Variants in DGKI observed in about 807,000 individuals in gnomAD.
DGKI encodes DAG kinase iota.
A neutral mutation model predicts 147.5 loss-of-function variants in DGKI; 55 were observed. That is an observed-to-expected ratio of 0.37 (90% CI 0.30 to 0.47). The LOEUF is 0.47. Among genes scored for constraint, DGKI ranks in the 20% least tolerant of loss-of-function variants. The pLI, the probability that DGKI is intolerant of heterozygous loss-of-function variation, is 1.00. For missense variants in DGKI, 1,007 were observed against 1,323.8 expected (o/e 0.76, Z 3.71); for synonymous variants, 469 against 477.1 (o/e 0.98, Z 0.22).
At chr7:137,498,299 C>T (rs1018789714) in intron 21 of DGKI, among the ~76,000 whole-genome samples, 12 of 151,476 alleles carry the variant, frequency 7.9e-5, no homozygotes, top group Non-Finnish European at 1.8e-4. Flanking sequence ...GAAACCTAGT[C>T]CAGGAGGTCC....
intron 28 of DGKI, among the ~76,000 whole-genome samples, chr7:137,426,922 G>C (rs550971709): frequency 6.6e-6 from 1 of 151,682 alleles, no homozygotes; most frequent in African/African-American, 2.4e-5. Context: ...GACCTACAAA[G>C]AGACTTAGAC....
intron 19 of DGKI, among the ~76,000 whole-genome samples, chr7:137,560,200 G>A (rs1490553106): frequency 1.3e-5 from 2 of 151,972 alleles, no homozygotes; most frequent in African/African-American, 2.4e-5. Flanking sequence ...GTGAACTTAA[G>A]AGCAAATTGA....
intron 20 of DGKI, among the ~76,000 whole-genome samples, chr7:137,551,874 T>G (rs1818056717): frequency 6.6e-6 from 1 of 151,886 alleles, no homozygotes; most frequent in Non-Finnish European, 1.5e-5. Context: ...AATGGGAACA[T>G]CAGGAAGGGA....
intron 19 of DGKI, among the ~76,000 whole-genome samples, chr7:137,561,481 A>G (rs942206397): frequency 7.2e-5 from 11 of 152,188 alleles, no homozygotes; most frequent in African/African-American, 2.7e-4. Context: ...ACAAGATAGA[A>G]GAAATAAATT....
At chr7:137,824,708 C>G (rs537050760) in intron 1 of DGKI, among the ~76,000 whole-genome samples, 1 of 152,230 alleles carries the variant, frequency 6.6e-6, no homozygotes, top group South Asian at 2.1e-4. Flanking sequence ...CTCCCTCCTC[C>G]CCGCCTCCAC....
At chr7:137,644,354 G>A (rs1821755869) in intron 6 of DGKI, among the ~76,000 whole-genome samples, 2 of 152,208 alleles carry the variant, frequency 1.3e-5, no homozygotes, top group Admixed American at 1.3e-4. Context: ...TACAATGGAG[G>A]CCTATGCCCT....
intron 21 of DGKI, among the ~76,000 whole-genome samples, chr7:137,517,748 G>T (rs1299232492): frequency 6.6e-6 from 1 of 152,110 alleles, no homozygotes; most frequent in Admixed American, 6.6e-5. Flanking sequence ...ACACACTTAA[G>T]AGAATGTATT....
intron 30 of DGKI, 55 bp from the exon 31 acceptor site, chr7:137,397,468 T>C: frequency 6.4e-7 from 1 of 1,553,108 alleles, no homozygotes; most frequent in Non-Finnish European, 8.8e-7. Context: ...AACTAAACAT[T>C]AACAGAAAAT....
At chr7:137,672,092 G>A (rs888230187) in intron 3 of DGKI, among the ~76,000 whole-genome samples, 1 of 152,108 alleles carries the variant, frequency 6.6e-6, no homozygotes, top group African/African-American at 2.4e-5. Flanking sequence ...CCCAGCTTCT[G>A]ACACCAACCT....
chr7:137,696,405 T>C (rs1215674803), intron 1 of DGKI, among the ~76,000 whole-genome samples: 1 of 150,244 alleles, frequency 6.7e-6, no homozygotes, highest in Non-Finnish European at 1.5e-5. Context: ...ATTATATTCA[T>C]GTAAATAAAT....
At chr7:137,839,120 T>G (rs993118094) in intron 1 of DGKI, among the ~76,000 whole-genome samples, 1 of 152,222 alleles carries the variant, frequency 6.6e-6, no homozygotes, top group Non-Finnish European at 1.5e-5. Context: ...GCTGGGAGTT[T>G]GGATTGCTGC....
At chr7:137,492,795 T>G (rs1815816542) in intron 21 of DGKI, among the ~76,000 whole-genome samples, 2 of 152,260 alleles carry the variant, frequency 1.3e-5, no homozygotes, top group Non-Finnish European at 2.9e-5. Flanking sequence ...CTGACCTGAG[T>G]GACCCCTGTA....
At chr7:137,652,387 A>G (rs1822060120) in intron 5 of DGKI, among the ~76,000 whole-genome samples, 1 of 152,310 alleles carries the variant, frequency 6.6e-6, no homozygotes, top group African/African-American at 2.4e-5. Context: ...TGACCTATCA[A>G]TTGAGAGAGA....
At chr7:137,478,851 T>C (rs1027477253) in intron 23 of DGKI, among the ~76,000 whole-genome samples, 3 of 152,238 alleles carry the variant, frequency 2.0e-5, no homozygotes, top group Non-Finnish European at 4.4e-5. Context: ...GTGTGTTTGA[T>C]TTGTGAATGC....
intron 1 of DGKI, among the ~76,000 whole-genome samples, chr7:137,769,317 T>C (rs1292943516): frequency 6.6e-6 from 1 of 152,192 alleles, no homozygotes; most frequent in African/African-American, 2.4e-5. Flanking sequence ...GGAACTAAAG[T>C]GAAAGCTATC....
At chr7:137,533,954 A>T (rs181357619) in intron 20 of DGKI, among the ~76,000 whole-genome samples, 2 of 152,258 alleles carry the variant, frequency 1.3e-5, no homozygotes, top group Admixed American at 6.5e-5. Flanking sequence ...GATTAATTAA[A>T]TGTAGCATCA....
At chr7:137,643,247 C>T (rs1253073531) in intron 6 of DGKI, among the ~76,000 whole-genome samples, 6 of 134,032 alleles carry the variant, frequency 4.5e-5, no homozygotes, top group South Asian at 2.5e-4. Flanking sequence ...GTGGAGATCG[C>T]GCCACTGCAC....
intron 7 of DGKI, among the ~76,000 whole-genome samples, chr7:137,620,351 A>C (rs1264630606): frequency 6.6e-6 from 1 of 152,152 alleles, no homozygotes; most frequent in East Asian, 1.9e-4. Context: ...ACTTCCCTTG[A>C]CCTGTGCTGG....
chr7:137,695,470 T>C (rs562044390), intron 1 of DGKI, among the ~76,000 whole-genome samples: 14 of 152,312 alleles, frequency 9.2e-5, no homozygotes, highest in Non-Finnish European at 1.6e-4. Flanking sequence ...TTTTACATAT[T>C]TTACGTATCC....
Sources: gnomAD v4.1 joint callset for allele counts (sites outside exome capture counted in the v4.1 genomes callset) on GRCh38, gnomAD v4.1.1 for gene constraint, MANE v1.5 for transcripts, NCBI Gene and HGNC (gene_info 2026-07-23, HGNC 2026-07-21) for gene names.